CLECL1: variants seen among roughly 807,000 people sequenced by gnomAD.
CLECL1 encodes C-type lectin-like domain family 1.
the CLECL1 span, among the ~76,000 whole-genome samples, chr12:9,708,152 A>T: frequency 1.3e-5 from 2 of 152,188 alleles, no homozygotes; most frequent in Non-Finnish European, 2.9e-5. Flanking sequence ...CCAATGGAAC[A>T]TTCCCTCCCC....
intron 3 of CLECL1, among the ~76,000 whole-genome samples, chr12:9,724,606 A>G (rs983072369): frequency 5.9e-5 from 9 of 152,224 alleles, no homozygotes; most frequent in African/African-American, 1.7e-4. Flanking sequence ...TAAAGGCAAG[A>G]TTTAACAGGA....
the CLECL1 span, among the ~76,000 whole-genome samples, chr12:9,707,506 G>A: frequency 7.5e-6 from 1 of 133,074 alleles, no homozygotes; most frequent in African/African-American, 2.5e-5. Flanking sequence ...GTAGATGAGG[G>A]TGTGGTCTCT....
downstream of CLECL1, among the ~76,000 whole-genome samples, chr12:9,711,039 C>T (rs776995452): frequency 3.9e-5 from 6 of 152,136 alleles, no homozygotes; most frequent in African/African-American, 7.2e-5. Context: ...GCACCTAGAG[C>T]GGCTAAACTA....
intron 2 of CLECL1, among the ~76,000 whole-genome samples, chr12:9,729,291 A>G (rs1393657278): frequency 6.6e-6 from 1 of 152,132 alleles, no homozygotes; most frequent in Non-Finnish European, 1.5e-5. Context: ...TTTCAGAGAC[A>G]TCTGTGTATA....
chr12:9,730,924 G>A (rs1047118838), intron 1 of CLECL1, among the ~76,000 whole-genome samples: 1 of 152,074 alleles, frequency 6.6e-6, no homozygotes, highest in East Asian at 1.9e-4. Context: ...GGGCTCAAGC[G>A]ATCCTCCTTC....
chr12:9,718,157 T>C (rs2033089285), downstream of CLECL1, among the ~76,000 whole-genome samples: 1 of 152,178 alleles, frequency 6.6e-6, no homozygotes, highest in African/African-American at 2.4e-5. Flanking sequence ...AATTTTATTA[T>C]GATTTGAGAT....
the CLECL1 span, among the ~76,000 whole-genome samples, chr12:9,703,348 A>G: frequency 4.0e-5 from 6 of 151,820 alleles, no homozygotes; most frequent in East Asian, 1.2e-3. Context: ...ACACATACAC[A>G]CACACTCTTA....
downstream of CLECL1, among the ~76,000 whole-genome samples, chr12:9,714,187 C>G (rs1260155477): frequency 6.6e-6 from 1 of 152,186 alleles, no homozygotes; most frequent in African/African-American, 2.4e-5. Flanking sequence ...GGTTTGATAT[C>G]TTCATGAGCC....
the CLECL1 span, among the ~76,000 whole-genome samples, chr12:9,709,981 A>C: frequency 6.6e-6 from 1 of 152,192 alleles, no homozygotes; most frequent in Non-Finnish European, 1.5e-5. Context: ...ATGCAACCCC[A>C]CAAACCCTAG....
intron 2 of CLECL1, among the ~76,000 whole-genome samples, chr12:9,728,680 G>A (rs1866410324): frequency 6.6e-6 from 1 of 151,902 alleles, no homozygotes; most frequent in South Asian, 2.1e-4. Context: ...ATGAAAAGTA[G>A]TATAGTAGGG....
chr12:9,713,105 G>A (rs1260340859), downstream of CLECL1, among the ~76,000 whole-genome samples: 2 of 152,146 alleles, frequency 1.3e-5, no homozygotes, highest in East Asian at 1.9e-4. Context: ...AAAGGGTCGT[G>A]ATTGATTTGA....
At chr12:9,727,820 T>C (rs1031545138) in intron 2 of CLECL1, among the ~76,000 whole-genome samples, 11 of 151,808 alleles carry the variant, frequency 7.2e-5, no homozygotes, top group African/African-American at 1.9e-4. Context: ...AAAACATAAC[T>C]ACTCTTTCCT....
downstream of CLECL1, chr12:9,722,429 G>A: frequency 3.4e-6 from 3 of 893,418 alleles, no homozygotes; most frequent in Non-Finnish European, 4.6e-6. Context: ...GAAGAGCTTG[G>A]TATAAAACAT....
At chr12:9,722,496 G>T, downstream of CLECL1, 4 of 1,305,920 alleles carry the variant, frequency 3.1e-6, no homozygotes, top group African/African-American at 1.5e-5. Flanking sequence ...AGGTAATCAT[G>T]TAATTCAACA....
At chr12:9,722,186 A>G (rs1469254238), downstream of CLECL1, among the ~76,000 whole-genome samples, 2 of 152,220 alleles carry the variant, frequency 1.3e-5, no homozygotes, top group African/African-American at 2.4e-5. Flanking sequence ...CAAAACTTCA[A>G]TTTAAATTAA....
chr12:9,707,237 C>T, the CLECL1 span, among the ~76,000 whole-genome samples: 2 of 151,990 alleles, frequency 1.3e-5, no homozygotes, highest in Non-Finnish European at 2.9e-5. Flanking sequence ...AATAAAATTA[C>T]GATGTAGGCA....
chr12:9,715,657 G>C (rs1315330764), downstream of CLECL1, among the ~76,000 whole-genome samples: 1 of 152,098 alleles, frequency 6.6e-6, no homozygotes, highest in African/African-American at 2.4e-5. Context: ...ACAAATTTTT[G>C]GGTTTTTCCT....
downstream of CLECL1, chr12:9,722,495 T>A (rs1279481197): frequency 3.8e-6 from 5 of 1,333,124 alleles, no homozygotes; most frequent in Non-Finnish European, 4.8e-6. Context: ...AAGGTAATCA[T>A]GTAATTCAAC....
At chr12:9,707,458 C>G in the CLECL1 span, among the ~76,000 whole-genome samples, 1 of 152,032 alleles carries the variant, frequency 6.6e-6, no homozygotes, top group Admixed American at 6.6e-5. Flanking sequence ...GAACATGGTC[C>G]CTTTAAATGA....
Sources: allele counts gnomAD v4.1 joint callset (sites outside exome capture counted in the v4.1 genomes callset), GRCh38; gene constraint gnomAD v4.1.1; transcripts MANE v1.5; gene names NCBI Gene and HGNC (gene_info 2026-07-23, HGNC 2026-07-21).